The following CHCHD3 variants were observed in gnomAD, a reference collection of about 807,000 sequenced individuals.
CHCHD3 encodes coiled-coil-helix-coiled-coil-helix domain containing 3, also known as MICOS complex subunit MIC19.
A neutral mutation model predicts 38.2 loss-of-function variants in CHCHD3; 20 were observed. The ratio of observed to expected loss-of-function variants is 0.52; its 90% CI spans 0.37 to 0.76. The LOEUF (loss-of-function observed/expected upper bound fraction) is 0.76, where lower values mean the gene tolerates loss of function less well. Ranked by LOEUF, CHCHD3 falls within the 30% of genes least tolerant of loss-of-function variation. CHCHD3 has a pLI of 0.00. For synonymous variants in CHCHD3, 82 were observed against 100.0 expected, an observed-to-expected ratio of 0.82 and a Z score of 1.07; for missense variants, 245 against 279.2, an observed-to-expected ratio of 0.88 and a Z score of 0.87.
At chr7:133,065,487 A>G (rs1157936001) in intron 2 of CHCHD3, among the ~76,000 whole-genome samples, 1 of 152,196 alleles carries the variant, frequency 6.6e-6, no homozygotes. Flanking sequence ...CTATATTCAC[A>G]CATATGAATA....
intron 4 of CHCHD3, among the ~76,000 whole-genome samples, chr7:132,928,526 A>G (rs1213785198): frequency 6.6e-6 from 1 of 151,860 alleles, no homozygotes; most frequent in Non-Finnish European, 1.5e-5. Context: ...GTGAAACCCC[A>G]TCTCTACTAA....
chr7:132,910,890 C>T (rs565527467), intron 4 of CHCHD3, among the ~76,000 whole-genome samples: 11 of 152,264 alleles, frequency 7.2e-5, no homozygotes, highest in Middle Eastern at 3.4e-3. Context: ...TACCAATCAA[C>T]GGGAGCTGGC....
intron 5 of CHCHD3, among the ~76,000 whole-genome samples, chr7:132,843,593 G>A (rs1807996627): frequency 6.6e-6 from 1 of 152,162 alleles, no homozygotes; most frequent in Admixed American, 6.5e-5. Context: ...CAAGAACTCT[G>A]TCTTCACACA....
chr7:132,814,172 T>C (rs1807142482), intron 6 of CHCHD3, among the ~76,000 whole-genome samples: 1 of 152,244 alleles, frequency 6.6e-6, no homozygotes, highest in African/African-American at 2.4e-5. Context: ...TAAACCAGTA[T>C]TCAAACAGGC....
intron 5 of CHCHD3, among the ~76,000 whole-genome samples, chr7:132,872,358 G>A (rs1460424659): frequency 6.6e-6 from 1 of 152,170 alleles, no homozygotes; most frequent in Non-Finnish European, 1.5e-5. Flanking sequence ...GGCTGCTGTG[G>A]ACACCATGGT....
At chr7:132,905,274 A>G (rs1355744226) in intron 4 of CHCHD3, among the ~76,000 whole-genome samples, 1 of 152,166 alleles carries the variant, frequency 6.6e-6, no homozygotes, top group African/African-American at 2.4e-5. Flanking sequence ...AGCCATAAAA[A>G]GGAATGAGAT....
chr7:132,939,573 G>A (rs1810713069), intron 4 of CHCHD3, among the ~76,000 whole-genome samples: 1 of 152,108 alleles, frequency 6.6e-6, no homozygotes, highest in Admixed American at 6.5e-5. Flanking sequence ...ACACTCTCTA[G>A]TATTCACACA....
chr7:132,810,130 T>C (rs1162651645), intron 6 of CHCHD3, among the ~76,000 whole-genome samples: 1 of 152,140 alleles, frequency 6.6e-6, no homozygotes, highest in Non-Finnish European at 1.5e-5. Context: ...ACACAACTAA[T>C]CACACATGAT....
intron 4 of CHCHD3, among the ~76,000 whole-genome samples, chr7:132,974,444 C>A (rs1365298302): frequency 2.0e-5 from 3 of 152,192 alleles, no homozygotes; most frequent in Non-Finnish European, 4.4e-5. Flanking sequence ...AAACCCCAGG[C>A]AGTGATTGAT....
chr7:133,040,551 T>A (rs960600472), intron 2 of CHCHD3, among the ~76,000 whole-genome samples: 1 of 152,154 alleles, frequency 6.6e-6, no homozygotes, highest in African/African-American at 2.4e-5. Flanking sequence ...CCCCTCTATA[T>A]ATCTCAGTAA....
chr7:132,916,887 C>T (rs1244647781), intron 4 of CHCHD3, among the ~76,000 whole-genome samples: 1 of 152,056 alleles, frequency 6.6e-6, no homozygotes, highest in Non-Finnish European at 1.5e-5. Context: ...GGCTACTATC[C>T]CTAATTTATA....
chr7:132,845,980 T>G (rs1808067214), intron 5 of CHCHD3, among the ~76,000 whole-genome samples: 1 of 152,204 alleles, frequency 6.6e-6, no homozygotes, highest in South Asian at 2.1e-4. Flanking sequence ...TTATCTTGAA[T>G]TTTAAAAATC....
In CHCHD3 at chr7:132,856,723, G is replaced by A. The variant is rs186812645; in HGVS notation, c.454-18254C>T. Among the ~76,000 whole-genome samples, 40 of 152,266 alleles carry A rather than the reference G, an allele frequency of 2.6e-4. No homozygotes were observed. The East Asian group carries it at 7.7e-3, about 29-fold the overall frequency. Reference sequence around the variant, plus strand: ...CTCCAACTAGAGGCCAAGTTATTAGGAAATTGTTTGTCATCTTAGACTGAA... The same window carrying A: ...CTCCAACTAGAGGCCAAGTTATTAGAAAATTGTTTGTCATCTTAGACTGAA... On this transcript the variant is annotated intron_variant, in intron 5 of 7. Coordinates refer to ENST00000262570, the MANE Select transcript of CHCHD3 (RefSeq NM_017812.4).
At chr7:132,822,123 G>C (rs957751626) in intron 6 of CHCHD3, among the ~76,000 whole-genome samples, 8 of 152,198 alleles carry the variant, frequency 5.3e-5, no homozygotes, top group African/African-American at 1.9e-4. Flanking sequence ...TCGTCTGTTA[G>C]AAAAGGTGAA....
intron 5 of CHCHD3, among the ~76,000 whole-genome samples, chr7:132,855,382 G>C (rs1808321038): frequency 6.6e-6 from 1 of 152,184 alleles, no homozygotes; most frequent in Admixed American, 6.5e-5. Flanking sequence ...AGATGTTAAT[G>C]ATAACTGTGA....
chr7:132,954,327 T>C (rs973868079), intron 4 of CHCHD3, among the ~76,000 whole-genome samples: 6 of 152,184 alleles, frequency 3.9e-5, no homozygotes, highest in Non-Finnish European at 7.3e-5. Context: ...AATCGAGGCA[T>C]GGCAACATTT....
chr7:132,878,511 C>T (rs1808971189), intron 5 of CHCHD3, among the ~76,000 whole-genome samples: 1 of 152,208 alleles, frequency 6.6e-6, no homozygotes, highest in African/African-American at 2.4e-5. Context: ...ACTCTCTCCA[C>T]AGGTGACAAA....
chr7:132,835,380 T>C (rs1291145621), intron 6 of CHCHD3, among the ~76,000 whole-genome samples: 1 of 152,212 alleles, frequency 6.6e-6, no homozygotes, highest in African/African-American at 2.4e-5. Context: ...GGCCAATTTC[T>C]TACTACACAG....
chr7:133,024,715 C>T lies in CHCHD3; in HGVS notation c.170-88G>A, dbSNP rs970571992. 7.9e-6 allele frequency: 8 copies of T among 1,018,430 alleles called. No individual in the cohort carries two copies. In the African/African-American group the frequency reaches 1.3e-4, roughly 16 times the overall value. 63.1% of individuals were successfully genotyped at this position (1,018,430 alleles called of 1,614,324 possible). On this transcript the variant is annotated intron_variant, in intron 2 of 7. Coordinates refer to ENST00000262570, the MANE Select transcript of CHCHD3 (RefSeq NM_017812.4). ...AATACTCAGGAAAGCCCGGCTGAGA[C>T]TAGATTTGAACAGGCAAAGTTCTGC...
Sources: gnomAD v4.1 joint callset for allele counts (sites outside exome capture counted in the v4.1 genomes callset) on GRCh38, gnomAD v4.1.1 for gene constraint, MANE v1.5 for transcripts, NCBI Gene and HGNC (gene_info 2026-07-23, HGNC 2026-07-21) for gene names.